Variants in LRRC75A observed in about 807,000 individuals in gnomAD.
LRRC75A encodes the protein leucine-rich repeat-containing protein 75A.
LRRC75A carries 12 observed loss-of-function variants against 26.0 expected under a neutral mutation model. The observed-to-expected ratio is 0.46, with a 90% CI of 0.30 to 0.75. The LOEUF is 0.75. LRRC75A is among the 30% of genes least tolerant of loss of function. LRRC75A has a pLI of 0.08. For synonymous variants in LRRC75A, 223 were observed against 219.3 expected, an observed-to-expected ratio of 1.02 and a Z score of -0.15; for missense variants, 410 against 486.6, an observed-to-expected ratio of 0.84 and a Z score of 1.48.
intron 2 of LRRC75A, among the ~76,000 whole-genome samples, chr17:16,452,160 T>TGGGCAATATA (rs150041125): frequency 0.23 from 28,852 of 125,608 alleles, 3,470 homozygotes; most frequent in Middle Eastern, 0.36. Context: ...AAGACTACCC[T>TGGGCAATATA]GGGCAATATA....
At chr17:16,489,488 T>G (rs1486774088) in intron 1 of LRRC75A, among the ~76,000 whole-genome samples, 1 of 152,206 alleles carries the variant, frequency 6.6e-6, no homozygotes, top group Non-Finnish European at 1.5e-5. Flanking sequence ...GCTCATTCCC[T>G]TTCTGAACAT....
At chr17:16,473,129 C>CTG (rs10640541) in intron 1 of LRRC75A, among the ~76,000 whole-genome samples, 3,125 of 149,022 alleles carry the variant, frequency 0.021, 71 homozygotes, top group African/African-American at 0.046. Flanking sequence ...TGTAAGTAGT[C>CTG]TGTGTGTGTG....
intron 1 of LRRC75A, among the ~76,000 whole-genome samples, chr17:16,471,973 C>T (rs1601188435): frequency 6.6e-6 from 1 of 152,158 alleles, no homozygotes; most frequent in African/African-American, 2.4e-5. Context: ...TGAAAGAGTT[C>T]TGGAGATGGA....
At chr17:16,448,105 C>T (rs1182347744) in intron 2 of LRRC75A, 145 bp from the exon 3 acceptor site, 2 of 698,958 alleles carry the variant, frequency 2.9e-6, no homozygotes, top group South Asian at 3.0e-5. Flanking sequence ...GGGTGGGCAC[C>T]CTAGGCAGAC....
At chr17:16,465,499 C>A (rs1424615654) in intron 1 of LRRC75A, among the ~76,000 whole-genome samples, 1 of 152,208 alleles carries the variant, frequency 6.6e-6, no homozygotes, top group African/African-American at 2.4e-5. Flanking sequence ...GCAGCTCTTA[C>A]AAAGCAGCTC....
At chr17:16,477,665 C>T (rs1268807636) in intron 1 of LRRC75A, among the ~76,000 whole-genome samples, 1 of 152,214 alleles carries the variant, frequency 6.6e-6, no homozygotes, top group Non-Finnish European at 1.5e-5. Flanking sequence ...CTTCCAGGGG[C>T]CTTCCCAGCA....
intron 3 of LRRC75A, 95 bp downstream of exon 3, chr17:16,447,750 A>G: frequency 1.1e-6 from 1 of 947,738 alleles, no homozygotes; most frequent in Non-Finnish European, 1.5e-6. Context: ...ACCACCCCCC[A>G]TGACTCCGCC....
chr17:16,489,905 G>A (rs956325327), intron 1 of LRRC75A, among the ~76,000 whole-genome samples: 2 of 151,172 alleles, frequency 1.3e-5, no homozygotes, highest in Non-Finnish European at 3.0e-5. Flanking sequence ...CAGCTGAGGC[G>A]GGTACCAGGA....
chr17:16,476,239 A>G (rs2093819401), intron 1 of LRRC75A, among the ~76,000 whole-genome samples: 1 of 150,376 alleles, frequency 6.6e-6, no homozygotes, highest in African/African-American at 2.5e-5. Flanking sequence ...GTGGTGGCAC[A>G]TGCCTGTAAT....
At chr17:16,480,736 C>T (rs980209884) in intron 1 of LRRC75A, among the ~76,000 whole-genome samples, 6 of 152,160 alleles carry the variant, frequency 3.9e-5, no homozygotes, top group African/African-American at 1.4e-4. Context: ...CCCTCCCCAT[C>T]TCCTTCTCCT....
At chr17:16,483,888 C>G (rs1392269627) in intron 1 of LRRC75A, among the ~76,000 whole-genome samples, 1 of 152,232 alleles carries the variant, frequency 6.6e-6, no homozygotes, top group African/African-American at 2.4e-5. Context: ...CCTGGAGGAA[C>G]AGGAACTCGA....
chr17:16,443,508 G>T lies in LRRC75A; in HGVS notation c.*80C>A. The T allele has an allele frequency of 7.5e-7, 1 of 1,338,096 alleles. No homozygotes were observed. Among genetic ancestry groups the T allele is most frequent in the Non-Finnish European group, 9.9e-7 (1 of 1,008,096 alleles). 82.9% of individuals were successfully genotyped at this position (1,338,096 alleles called of 1,614,324 possible). A position where few individuals can be genotyped will look rare whatever the true frequency, so the allele number is the denominator to read the frequency against. On this transcript the variant is annotated 3_prime_UTR_variant, in exon 4 of 4. Transcript: ENST00000470794. ...TTTTGGCAATATCCTTAACCCACCT[G>T]ATAGGAGAAGCGCCCTCCCCTGCCT...
At chr17:16,475,642 T>G (rs566470394) in intron 1 of LRRC75A, among the ~76,000 whole-genome samples, 29 of 152,128 alleles carry the variant, frequency 1.9e-4, no homozygotes, top group Non-Finnish European at 2.9e-4. Flanking sequence ...GCCTGGAACT[T>G]CTGTACTCCT....
At chr17:16,479,953 C>G (rs1246785007) in intron 1 of LRRC75A, among the ~76,000 whole-genome samples, 1 of 152,222 alleles carries the variant, frequency 6.6e-6, no homozygotes, top group Non-Finnish European at 1.5e-5. Flanking sequence ...AGGACGTGAA[C>G]AGTGGGCCAG....
chr17:16,464,341 G>A (rs1568971721), intron 1 of LRRC75A, among the ~76,000 whole-genome samples: 1 of 152,160 alleles, frequency 6.6e-6, no homozygotes, highest in Non-Finnish European at 1.5e-5. Flanking sequence ...TGTAGAAGCA[G>A]GTACAATACC....
intron 1 of LRRC75A, among the ~76,000 whole-genome samples, chr17:16,487,256 CT>C (rs1236712920): frequency 6.6e-6 from 1 of 152,192 alleles, no homozygotes; most frequent in Non-Finnish European, 1.5e-5. Context: ...TAGGGCCCCC[CT>C]GCTCGGTGTC....
chr17:16,459,417 G>A (rs951806138), intron 2 of LRRC75A, among the ~76,000 whole-genome samples: 4 of 152,168 alleles, frequency 2.6e-5, no homozygotes, highest in African/African-American at 9.7e-5. Flanking sequence ...AGAAGAGGCT[G>A]GAGCAGTCAA....
chr17:16,485,679 T>TGTGTGTGTGTTC (rs2093845313), intron 1 of LRRC75A, among the ~76,000 whole-genome samples: 4 of 138,326 alleles, frequency 2.9e-5, no homozygotes, highest in Middle Eastern at 3.4e-3. Flanking sequence ...TTCGTGTGTG[T>TGTGTGTGTGTTC]GTGTGTGTGT....
intron 3 of LRRC75A, chr17:16,447,100 A>G (rs914788401): frequency 9.2e-6 from 2 of 217,672 alleles, no homozygotes; most frequent in African/African-American, 4.8e-5. Flanking sequence ...CCACTCAGCT[A>G]TCATTTGCAA....
Sources: allele counts gnomAD v4.1 joint callset (sites outside exome capture counted in the v4.1 genomes callset), GRCh38; gene constraint gnomAD v4.1.1; transcripts MANE v1.5; gene names NCBI Gene and HGNC (gene_info 2026-07-23, HGNC 2026-07-21).